TBC1D5: variants seen among roughly 807,000 people sequenced by gnomAD.
The protein encoded by TBC1D5 is TBC1 domain family, member 5.
In TBC1D5, 75 loss-of-function variants were observed where a neutral mutation model predicts 100.3. The ratio of observed to expected loss-of-function variants is 0.75; its 90% CI spans 0.62 to 0.91. The LOEUF (loss-of-function observed/expected upper bound fraction) is 0.91, where lower values mean the gene tolerates loss of function less well. TBC1D5 is among the 40% of genes least tolerant of loss of function. The pLI, the probability that TBC1D5 is intolerant of heterozygous loss-of-function variation, is 0.00. For synonymous variants in TBC1D5, 323 were observed against 325.6 expected (o/e 0.99, Z 0.09); for missense variants, 910 against 942.4 (o/e 0.97, Z 0.45).
chr3:17,739,904 C>CT (rs1464279533), exon 1 of TBC1D5: 2 of 152,268 alleles, frequency 1.3e-5, no homozygotes, highest in Non-Finnish European at 2.9e-5. Flanking sequence ...CCTGAGGAGG[C>CT]TGAGGCAGGA....
At chr3:17,198,873 T>C (rs2071078631) in intron 18 of TBC1D5, among the ~76,000 whole-genome samples, 1 of 152,216 alleles carries the variant, frequency 6.6e-6, no homozygotes, top group African/African-American at 2.4e-5. Flanking sequence ...GACTCAGTTC[T>C]TCTGTGACCA....
intron 3 of TBC1D5, among the ~76,000 whole-genome samples, chr3:17,461,142 C>A (rs1021722234): frequency 6.6e-6 from 1 of 152,082 alleles, no homozygotes; most frequent in African/African-American, 2.4e-5. Flanking sequence ...CAGTATATGA[C>A]AAGTCAGTAT....
At chr3:17,218,035 C>T (rs530836923) in intron 17 of TBC1D5, among the ~76,000 whole-genome samples, 3 of 152,104 alleles carry the variant, frequency 2.0e-5, no homozygotes, top group South Asian at 2.1e-4. Context: ...TTGTATACAG[C>T]GTGAAGAAGT....
At chr3:17,639,316 A>C (rs886824650) in intron 1 of TBC1D5, among the ~76,000 whole-genome samples, 8 of 152,134 alleles carry the variant, frequency 5.3e-5, no homozygotes, top group Non-Finnish European at 1.2e-4. Context: ...TATCCAGAAA[A>C]GGCAAAGCTA....
intron 2 of TBC1D5, among the ~76,000 whole-genome samples, chr3:17,618,514 T>C (rs1398723559): frequency 1.3e-5 from 2 of 152,060 alleles, no homozygotes; most frequent in African/African-American, 4.8e-5. Flanking sequence ...AGAGGTGGAG[T>C]CTATAGAGGC....
At chr3:17,537,155 T>C (rs1424252177) in intron 2 of TBC1D5, among the ~76,000 whole-genome samples, 3 of 152,196 alleles carry the variant, frequency 2.0e-5, no homozygotes, top group Non-Finnish European at 4.4e-5. Flanking sequence ...AGGTAAAATA[T>C]TTTTATTTCC....
At chr3:17,726,480 T>G (rs948828805) in intron 1 of TBC1D5, among the ~76,000 whole-genome samples, 4 of 152,252 alleles carry the variant, frequency 2.6e-5, no homozygotes, top group Admixed American at 1.3e-4. Context: ...GAGCATTTAT[T>G]CATATGCTTA....
intron 3 of TBC1D5, among the ~76,000 whole-genome samples, chr3:17,479,835 A>G (rs2095480599): frequency 6.6e-6 from 1 of 152,196 alleles, no homozygotes; most frequent in African/African-American, 2.4e-5. Context: ...CTGGGGCTGC[A>G]TGCTCTATGA....
At chr3:17,273,633 C>G (rs1249707481) in intron 15 of TBC1D5, among the ~76,000 whole-genome samples, 1 of 151,880 alleles carries the variant, frequency 6.6e-6, no homozygotes, top group African/African-American at 2.4e-5. Context: ...ATGGCGAAAC[C>G]CTGTCTCTAC....
chr3:17,635,195 A>T (rs2063804170), intron 1 of TBC1D5, among the ~76,000 whole-genome samples: 1 of 152,194 alleles, frequency 6.6e-6, no homozygotes, highest in African/African-American at 2.4e-5. Context: ...ATATGTTTGG[A>T]AGAGAAAGAA....
At chr3:17,593,848 C>A (rs2060393847) in intron 2 of TBC1D5, among the ~76,000 whole-genome samples, 1 of 152,162 alleles carries the variant, frequency 6.6e-6, no homozygotes, top group Non-Finnish European at 1.5e-5. Context: ...CTTTGCAAGG[C>A]TTGGGCAAAG....
chr3:17,663,439 T>C (rs1045941208), intron 1 of TBC1D5, among the ~76,000 whole-genome samples: 1 of 152,028 alleles, frequency 6.6e-6, no homozygotes, highest in Non-Finnish European at 1.5e-5. Context: ...GAGTAACAGG[T>C]AAATGGTATT....
chr3:17,389,670 T>C (rs1029128080), intron 8 of TBC1D5, among the ~76,000 whole-genome samples: 1 of 152,124 alleles, frequency 6.6e-6, no homozygotes, highest in African/African-American at 2.4e-5. Context: ...GCCAACACCA[T>C]GTGCAACAGA....
At chr3:17,717,617 C>T (rs1015391122) in intron 1 of TBC1D5, among the ~76,000 whole-genome samples, 1 of 152,096 alleles carries the variant, frequency 6.6e-6, no homozygotes, top group African/African-American at 2.4e-5. Context: ...CCTGTTGCTC[C>T]TCCTGGTTGT....
intron 1 of TBC1D5, among the ~76,000 whole-genome samples, chr3:17,664,458 A>C (rs540994395): frequency 1.3e-5 from 2 of 152,368 alleles, no homozygotes; most frequent in Admixed American, 6.5e-5. Flanking sequence ...GCCATTTTTC[A>C]ACAGTAACAC....
At chr3:17,725,380 C>T (rs547545075) in intron 1 of TBC1D5, among the ~76,000 whole-genome samples, 57 of 151,518 alleles carry the variant, frequency 3.8e-4, no homozygotes, top group South Asian at 1.0e-3. Context: ...TACTTAGGAG[C>T]GAAGAAGTAT....
At chr3:17,476,965 A>G (rs1280078615) in intron 3 of TBC1D5, among the ~76,000 whole-genome samples, 7 of 152,006 alleles carry the variant, frequency 4.6e-5, no homozygotes, top group Non-Finnish European at 8.8e-5. Flanking sequence ...CTAATAATTT[A>G]TGTGTAGATT....
At chr3:17,458,111 T>C (rs888272466) in intron 3 of TBC1D5, among the ~76,000 whole-genome samples, 2 of 152,222 alleles carry the variant, frequency 1.3e-5, no homozygotes, top group African/African-American at 4.8e-5. Flanking sequence ...AGGTCTTCTT[T>C]GGTCTTCTGA....
chr3:17,247,820 A>G (rs2076862628), intron 16 of TBC1D5, among the ~76,000 whole-genome samples: 2 of 152,176 alleles, frequency 1.3e-5, no homozygotes, highest in South Asian at 4.1e-4. Context: ...TAGCATATTT[A>G]CCAGGAGTAG....
Sources: allele counts gnomAD v4.1 joint callset (sites outside exome capture counted in the v4.1 genomes callset), GRCh38; gene constraint gnomAD v4.1.1; transcripts MANE v1.5; gene names NCBI Gene and HGNC (gene_info 2026-07-23, HGNC 2026-07-21).